Variants in MDGA2 observed in about 807,000 individuals in gnomAD.
The protein encoded by MDGA2 is MAM domain-containing glycosylphosphatidylinositol anchor protein 2.
Under a neutral mutation model 117.8 loss-of-function variants are expected in MDGA2, and 40 were observed. That is an observed-to-expected ratio of 0.34 (90% CI 0.26 to 0.44). The LOEUF is 0.44. Among genes scored for constraint, MDGA2 ranks in the 20% least tolerant of loss-of-function variants. The pLI is 1.00. For missense variants in MDGA2, 1,123 were observed against 1,250.6 expected (o/e 0.90, Z 1.54); for synonymous variants, 452 against 439.0 (o/e 1.03, Z -0.37).
chr14:47,102,741 C>T (rs1193590696), intron 5 of MDGA2, among the ~76,000 whole-genome samples: 2 of 152,162 alleles, frequency 1.3e-5, no homozygotes, highest in Non-Finnish European at 2.9e-5. Flanking sequence ...TCCTGTCCCT[C>T]ATTAATTGGG....
At chr14:47,163,445 T>C (rs1299837333) in intron 3 of MDGA2, among the ~76,000 whole-genome samples, 2 of 152,062 alleles carry the variant, frequency 1.3e-5, no homozygotes, top group Non-Finnish European at 2.9e-5. Flanking sequence ...ACCATGCTGT[T>C]CTGGTGATAG....
chr14:46,996,408 T>C (rs932771923), intron 8 of MDGA2: 11 of 152,114 alleles, frequency 7.2e-5, no homozygotes, highest in African/African-American at 1.7e-4. Context: ...GAATAGTGCA[T>C]TGGAAATCCA....
At chr14:47,459,749 C>T (rs1024553032) in intron 1 of MDGA2, among the ~76,000 whole-genome samples, 5 of 152,060 alleles carry the variant, frequency 3.3e-5, no homozygotes, top group Non-Finnish European at 7.4e-5. Context: ...CTGTCTCAAA[C>T]ACTATTAGTC....
At chr14:47,117,058 AAAAC>A (rs140107380) in intron 5 of MDGA2, among the ~76,000 whole-genome samples, 16,967 of 152,076 alleles carry the variant, frequency 0.11, 1,067 homozygotes, top group Admixed American at 0.11. Context: ...TCAATAGCAA[AAAAC>A]AAACAAACAA....
In MDGA2 at chr14:47,662,093, T is replaced by C. The variant is rs534570471; in HGVS notation, c.280+12424A>G. Reference sequence around the variant, plus strand: ...AACCCATGAACAATAGAAACATGAATGTATCACAAATATTCAAACACAAAC... The same window carrying C: ...AACCCATGAACAATAGAAACATGAACGTATCACAAATATTCAAACACAAAC... On this transcript the variant is annotated intron_variant, in intron 1 of 16. Transcript: ENST00000399232. Among the ~76,000 whole-genome samples, 5 of 152,266 alleles carry C rather than the reference T, an allele frequency of 3.3e-5. No homozygotes were observed. In the South Asian group the frequency reaches 1.0e-3, roughly 32 times the overall value.
intron 1 of MDGA2, among the ~76,000 whole-genome samples, chr14:47,333,879 T>C (rs1210772825): frequency 1.3e-5 from 2 of 151,850 alleles, no homozygotes; most frequent in Non-Finnish European, 2.9e-5. Context: ...TTTGTAGTAG[T>C]AGTTTTATTA....
At chr14:47,166,899 G>A (rs546931159) in intron 3 of MDGA2, among the ~76,000 whole-genome samples, 1 of 152,210 alleles carries the variant, frequency 6.6e-6, no homozygotes, top group East Asian at 1.9e-4. Context: ...CTGATAAACA[G>A]GGCCTCCAGG....
At chr14:47,037,935 ATGT>A (rs1187117203) in intron 7 of MDGA2, among the ~76,000 whole-genome samples, 3 of 152,118 alleles carry the variant, frequency 2.0e-5, no homozygotes, top group Non-Finnish European at 4.4e-5. Flanking sequence ...CCTTTTGTTG[ATGT>A]TGTTGTTTTG....
intron 1 of MDGA2, among the ~76,000 whole-genome samples, chr14:47,442,073 TCAAA>T (rs1893023772): frequency 6.6e-6 from 1 of 152,076 alleles, no homozygotes; most frequent in African/African-American, 2.4e-5. Flanking sequence ...ATGTGGGGGC[TCAAA>T]CAAACACTAC....
At chr14:46,934,256 A>G (rs1884697764) in intron 9 of MDGA2, among the ~76,000 whole-genome samples, 1 of 152,106 alleles carries the variant, frequency 6.6e-6, no homozygotes, top group African/African-American at 2.4e-5. Context: ...GACACATACC[A>G]GAATTATGGT....
intron 1 of MDGA2, among the ~76,000 whole-genome samples, chr14:47,604,601 G>T (rs1334303618): frequency 6.6e-6 from 1 of 150,766 alleles, no homozygotes; most frequent in African/African-American, 2.4e-5. Flanking sequence ...AAAGTGCTAG[G>T]ATTACAGGTG....
intron 1 of MDGA2, among the ~76,000 whole-genome samples, chr14:47,542,438 TA>T (rs1330629100): frequency 6.6e-5 from 10 of 152,228 alleles, no homozygotes; most frequent in African/African-American, 2.2e-4. Context: ...GTGAGTTTTG[TA>T]AAAACCTCTG....
intron 3 of MDGA2, among the ~76,000 whole-genome samples, chr14:47,197,690 C>T (rs1885337531): frequency 6.6e-6 from 1 of 152,152 alleles, no homozygotes; most frequent in African/African-American, 2.4e-5. Flanking sequence ...GAGGGTGGAT[C>T]ACGAGGTCAG....
In MDGA2 at chr14:47,669,350, C is replaced by T. The variant is rs114613269; in HGVS notation, c.280+5167G>A. Among the ~76,000 whole-genome samples, 886 of 152,284 alleles carry T rather than the reference C, an allele frequency of 5.8e-3. 9 individuals are homozygous for T. Among genetic ancestry groups the T allele is most frequent in the African/African-American group, 0.02 (848 of 41,570 alleles). On this transcript the variant is annotated intron_variant, in intron 1 of 16. Coordinates refer to ENST00000399232, the MANE Select transcript of MDGA2 (RefSeq NM_001113498.3). ...TCTATTCACCGGAATTATTTCATCT[C>T]TAAACTTTTATCTCTGACTGTTAAT...
chr14:47,260,046 G>A (rs1308613888), intron 2 of MDGA2, among the ~76,000 whole-genome samples: 1 of 152,048 alleles, frequency 6.6e-6, no homozygotes, highest in Non-Finnish European at 1.5e-5. Flanking sequence ...CATCTCCAGA[G>A]ATCAAGGGAG....
chr14:47,501,449 G>A (rs948088433), intron 1 of MDGA2, among the ~76,000 whole-genome samples: 2 of 152,126 alleles, frequency 1.3e-5, no homozygotes, highest in Admixed American at 6.6e-5. Flanking sequence ...TAGTGTTAAG[G>A]ATTTTGTAAA....
At chr14:47,277,725 C>T (rs544805918) in intron 2 of MDGA2, among the ~76,000 whole-genome samples, 3 of 152,212 alleles carry the variant, frequency 2.0e-5, no homozygotes, top group Admixed American at 2.0e-4. Flanking sequence ...CTAAGAAATA[C>T]AGTGGGAGTT....
chr14:47,356,979 TG>T (rs1423284871), intron 1 of MDGA2, among the ~76,000 whole-genome samples: 1 of 152,226 alleles, frequency 6.6e-6, no homozygotes, highest in Non-Finnish European at 1.5e-5. Context: ...AGAGCTCCAT[TG>T]GAAAAATAAA....
chr14:46,954,016 G>C (rs1885466388), intron 9 of MDGA2, among the ~76,000 whole-genome samples: 1 of 151,940 alleles, frequency 6.6e-6, no homozygotes, highest in African/African-American at 2.4e-5. Flanking sequence ...CTGCTATATT[G>C]TGTAATGGGC....
Sources: allele counts gnomAD v4.1 joint callset (sites outside exome capture counted in the v4.1 genomes callset), GRCh38; gene constraint gnomAD v4.1.1; transcripts MANE v1.5; gene names NCBI Gene and HGNC (gene_info 2026-07-23, HGNC 2026-07-21).